IKZF5: variants seen among roughly 807,000 people sequenced by gnomAD.
The protein encoded by IKZF5 is IKAROS family zinc finger 5.
IKZF5 carries 4 observed loss-of-function variants against 30.7 expected under a neutral mutation model. That is an observed-to-expected ratio of 0.13 (90% confidence interval 0.06 to 0.30). The LOEUF (loss-of-function observed/expected upper bound fraction) is 0.30. Among genes scored for constraint, IKZF5 ranks in the 10% least tolerant of loss-of-function variants. The pLI, the probability that IKZF5 is intolerant of heterozygous loss-of-function variation, is 1.00. For synonymous variants in IKZF5, 148 were observed against 179.6 expected, an observed-to-expected ratio of 0.82 and a Z score of 1.41; for missense variants, 348 against 525.5, an observed-to-expected ratio of 0.66 and a Z score of 3.30.
At chr10:123,005,630 T>C (rs10902857) in intron 2 of IKZF5, among the ~76,000 whole-genome samples, 21,588 of 152,174 alleles carry the variant, frequency 0.14, 1,644 homozygotes, top group South Asian at 0.23. Context: ...AACCCCCAAT[T>C]TGATGGCATC....
intron 3 of IKZF5, among the ~76,000 whole-genome samples, chr10:122,996,486 T>TA (rs1385002948): frequency 1.3e-5 from 2 of 150,894 alleles, no homozygotes; most frequent in Non-Finnish European, 2.9e-5. Flanking sequence ...GGCCAGGAGT[T>TA]AGAGACCAGC....
In IKZF5 at chr10:122,994,770, T is replaced by G. The variant is rs1182792162; in HGVS notation, c.317-47A>C. The G allele has an allele frequency of 6.8e-7, 1 of 1,462,504 alleles. No homozygotes were observed. The highest frequency in any genetic ancestry group is 9.2e-7 in the Non-Finnish European group (1 of 1,083,114). The allele number at this position is 1,462,504 out of a possible 1,614,324, so 90.6% of individuals were successfully genotyped here. A position where few individuals can be genotyped will look rare whatever the true frequency, so the allele number is the denominator to read the frequency against. Reference sequence around the variant, plus strand: ...GGAGAAACTACAAGAGTAGTTCATTTATGGAAAGTTTTGCTTGTCCATTCA... The same window carrying G: ...GGAGAAACTACAAGAGTAGTTCATTGATGGAAAGTTTTGCTTGTCCATTCA... On this transcript the variant is annotated intron_variant, in intron 4 of 4. Transcript: ENST00000368886. The surrounding 1 kb of genome is among the most constrained non-coding windows in gnomAD (Gnocchi z 5.6).
chr10:122,995,542 G>C (rs1355309457), intron 4 of IKZF5, among the ~76,000 whole-genome samples: 1 of 152,164 alleles, frequency 6.6e-6, no homozygotes, highest in East Asian at 1.9e-4. Flanking sequence ...CTTGGGCAGA[G>C]GGCAGATGTA....
chr10:123,003,824 T>C (rs898040097), intron 2 of IKZF5, among the ~76,000 whole-genome samples: 3 of 152,254 alleles, frequency 2.0e-5, no homozygotes, highest in South Asian at 2.1e-4. Flanking sequence ...TAATTCCAAT[T>C]TGCAATTTTT....
Position 122,994,727 on chromosome 10 carries a change from T to A in IKZF5, c.317-4A>T. ...TGACATCGATGAGGTTTTTCACCTGTTTCAAAAGAAAAATGATGGAGAAAC... is the reference window on the plus strand; with the variant it reads ...TGACATCGATGAGGTTTTTCACCTGATTCAAAAGAAAAATGATGGAGAAAC... On this transcript the variant is annotated splice_region_variant and splice_polypyrimidine_tract_variant and intron_variant, in intron 4 of 4. Transcript: ENST00000368886. The surrounding 1 kb of genome is among the most constrained non-coding windows in gnomAD (Gnocchi z 5.6). 1 of 1,574,622 alleles carries A rather than the reference T, an allele frequency of 6.4e-7. No homozygotes were observed.
Position 122,994,484 on chromosome 10 carries a change from T to G in IKZF5, c.556A>C (p.Thr186Pro). 2 of 1,614,124 alleles carry G rather than the reference T, an allele frequency of 1.2e-6. No individual in the cohort carries two copies. Among genetic ancestry groups the G allele is most frequent in the Non-Finnish European group, 1.7e-6 (2 of 1,180,008 alleles). Residue 186 changes from threonine to proline, a missense_variant, in exon 5 of 5, where the codon ACA becomes CCA. Physicochemically the swap from Thr to Pro is conservative, Grantham distance 38. This residue lies in a region of IKZF5 where 176 missense variants were observed against 198.2 expected (regional missense o/e 0.89). Transcript: ENST00000368886. The surrounding 1 kb of genome is among the most constrained non-coding windows in gnomAD (Gnocchi z 5.6). ...CTTCTGCTATAGCCCAGATTGCTTG[T>G]TTTCTTCTGTAAAACCCCCCACATT... ...KKMWGVLQKK[T>P]SNLGYSRRAL...
At position 122,994,873 on chromosome 10, in the gene IKZF5, T is replaced by A. The variant is rs1014720561; in HGVS notation, c.317-150A>T. On this transcript the variant is annotated intron_variant, in intron 4 of 4. Transcript: ENST00000368886. The surrounding 1 kb of genome is among the most constrained non-coding windows in gnomAD (Gnocchi z 5.6). ...GCATAGCATATGAGATTGTTAAAAT[T>A]TGTAAATAAACCCACAAATTGAAAT... 2 of 640,868 alleles carry A rather than the reference T, an allele frequency of 3.1e-6. No individual in the cohort carries two copies. The highest frequency in any genetic ancestry group is 3.3e-5 in the Admixed American group (1 of 30,368). The allele number at this position is 640,868 out of a possible 1,614,324, so 39.7% of individuals were successfully genotyped here.
chr10:122,993,918 T>A lies in IKZF5; in HGVS notation c.1122A>T (p.Ala374=), dbSNP rs1236983418. ...HHCQHCDMYF[A]DNILYTIHMG... is the part of the protein sequence containing the mutation. ...TATGAATAGTGTAAAGGATGTTGTCTGCAAAGTACATATCACAGTGCTGGC... is the reference window on the plus strand; with the variant it reads ...TATGAATAGTGTAAAGGATGTTGTCAGCAAAGTACATATCACAGTGCTGGC... Residue 374 remains alanine, a synonymous_variant, in exon 5 of 5, where the codon GCA becomes GCT. Coordinates refer to ENST00000368886, the MANE Select transcript of IKZF5 (RefSeq NM_001372123.1). The A allele has an allele frequency of 2.5e-6, 4 of 1,614,186 alleles. No individual in the cohort carries two copies. Among genetic ancestry groups the A allele is most frequent in the Non-Finnish European group, 3.4e-6 (4 of 1,180,028 alleles).
Position 123,008,347 on chromosome 10 carries a change from C to G in IKZF5, c.-198+347G>C, listed in dbSNP as rs575535781. Reference sequence around the variant, plus strand: ...GGCTGACTCCCAGCCCCTGGGACCCCGTGAAGACGCAAACCTCGGGACGCC... The same window carrying G: ...GGCTGACTCCCAGCCCCTGGGACCCGGTGAAGACGCAAACCTCGGGACGCC... On this transcript the variant is annotated intron_variant, in intron 1 of 4. Transcript: ENST00000368886. Among the ~76,000 whole-genome samples, 373 of 152,302 alleles carry G rather than the reference C, an allele frequency of 2.4e-3. 1 individual carries two copies. The highest frequency in any genetic ancestry group is 8.4e-3 in the African/African-American group (350 of 41,576).
At chr10:122,995,728 G>A (rs746522607) in intron 4 of IKZF5, among the ~76,000 whole-genome samples, 7 of 152,096 alleles carry the variant, frequency 4.6e-5, no homozygotes, top group Non-Finnish European at 1.0e-4. Flanking sequence ...CCCAATCTGA[G>A]AGGCAGGCAG....
intron 3 of IKZF5, 111 bp from the exon 4 acceptor site, chr10:122,996,287 AAAGTT>A (rs1255392314): frequency 5.0e-5 from 43 of 867,298 alleles, no homozygotes; most frequent in East Asian, 3.7e-4. Context: ...ACTTCTCACA[AAAGTT>A]AAGTCCATTT....
rs774001644 is a variant in IKZF5, at chr10:122,993,948, G to A, written c.1092C>T (p.His364=). The part of the protein sequence containing the change: ...ALPVQDPQLL[H]HCQHCDMYFA... ...AGTACATATCACAGTGCTGGCAGTG[G>A]TGCAGAAGCTGAGGGTCCTGGACCG... The change falls in exon 5 of 5, where the codon CAC becomes CAT. Residue 364 remains histidine, a synonymous_variant. Transcript: ENST00000368886. 6.2e-7 allele frequency: 1 copy of A among 1,614,170 alleles called. No individual in the cohort carries two copies. Among genetic ancestry groups the A allele is most frequent in the South Asian group, 1.1e-5 (1 of 91,082 alleles).
rs1394041142 is a variant in IKZF5, at chr10:122,991,919, G to A, written c.*1861C>T. 2 of 152,010 alleles carry A rather than the reference G, an allele frequency of 1.3e-5. No individual in the cohort carries two copies. Among genetic ancestry groups the A allele is most frequent in the African/African-American group, 2.4e-5 (1 of 41,406 alleles). 9.4% of individuals were successfully genotyped at this position (152,010 alleles called of 1,614,324 possible). A position where few individuals can be genotyped will look rare whatever the true frequency, so the allele number is the denominator to read the frequency against. On this transcript the variant is annotated 3_prime_UTR_variant, in exon 5 of 5. Coordinates refer to ENST00000368886, the MANE Select transcript of IKZF5 (RefSeq NM_001372123.1). ...CATGAAAATTTTCATTTTCTATTTT[G>A]GGGTACTGCTTTTATCTGAAGAATA...
Position 123,004,629 on chromosome 10 carries a change from T to TAA in IKZF5, c.-47+2395_-47+2396dup, listed in dbSNP as rs34085831. On this transcript the variant is annotated intron_variant, in intron 2 of 4. Transcript: ENST00000368886. ...TTTCAACCACAATGCATGATAAACT[T>TAA]AAAAAAAAAAAAAGCATGTCTATGA... Among the ~76,000 whole-genome samples the TAA allele has an allele frequency of 2.0e-3, 294 of 145,926 alleles. 2 individuals carry two copies. Among genetic ancestry groups the TAA allele is most frequent in the South Asian group, 4.7e-3 (22 of 4,642 alleles).
In IKZF5 at chr10:122,995,218, G is replaced by C. The variant is rs114938087; in HGVS notation, c.317-495C>G. Among the ~76,000 whole-genome samples the C allele has an allele frequency of 6.6e-3, 999 of 152,282 alleles. 9 individuals carry two copies. The highest frequency in any genetic ancestry group is 0.023 in the African/African-American group (942 of 41,548). ...GCTCAGAATTGAAATGGGCTTGCTA[G>C]TCTGAGTTATGCAAAGCATCCCTTC... On this transcript the variant is annotated intron_variant, in intron 4 of 4. Transcript: ENST00000368886.
rs1254068361 is a variant in IKZF5, at chr10:122,998,260, G to A, written c.133+233C>T. ...TCATAAAAACTGGAGGACAGGAAGG[G>A]TATTTGGAGCCCCTAACCTTCCAAC... On this transcript the variant is annotated intron_variant, in intron 3 of 4. Transcript: ENST00000368886. 6 of 367,324 alleles carry A rather than the reference G, an allele frequency of 1.6e-5. No individual in the cohort carries two copies. In the Admixed American group the frequency reaches 2.2e-4, roughly 14 times the overall value. The allele number at this position is 367,324 out of a possible 1,614,324, so 22.8% of individuals were successfully genotyped here.
At chr10:123,003,768 G>C (rs541846850) in intron 2 of IKZF5, among the ~76,000 whole-genome samples, 3 of 152,268 alleles carry the variant, frequency 2.0e-5, no homozygotes, top group East Asian at 3.9e-4. Context: ...CTGAGCATCT[G>C]TTTCTTAGTT....
chr10:123,002,148 CTCTTT>C (rs1849609222), intron 2 of IKZF5, among the ~76,000 whole-genome samples: 1 of 152,204 alleles, frequency 6.6e-6, no homozygotes, highest in South Asian at 2.1e-4. Flanking sequence ...TAACTGAATT[CTCTTT>C]TCTTAATTCA....
At position 122,990,939 on chromosome 10, in the gene IKZF5, AT is replaced by A. The variant is rs1849142414; in HGVS notation, c.*2840del. The A allele has an allele frequency of 6.6e-6, 1 of 151,360 alleles. No individual in the cohort carries two copies. The highest frequency in any genetic ancestry group is 2.4e-5 in the African/African-American group (1 of 41,108). The allele number at this position is 151,360 out of a possible 1,614,324, so 9.4% of individuals were successfully genotyped here. A position where few individuals can be genotyped will look rare whatever the true frequency, so the allele number is the denominator to read the frequency against. ...AAACAATATAGTGTATTGTACAACC[AT>A]AATGCAAGTTATGTTTTGCATACAA... On this transcript the variant is annotated 3_prime_UTR_variant, in exon 5 of 5. Transcript: ENST00000368886.
Sources: gnomAD v4.1 joint callset for allele counts (sites outside exome capture counted in the v4.1 genomes callset) on GRCh38, gnomAD v4.1.1 for gene constraint, gnomAD v4.1.1 regional missense constraint, Gnocchi (gnomAD v3.1) non-coding constraint, MANE v1.5 for transcripts, NCBI Gene and HGNC (gene_info 2026-07-23, HGNC 2026-07-21) for gene names.